The following ZC3H18 variants were observed in gnomAD, a reference collection of about 807,000 sequenced individuals.
ZC3H18 encodes zinc finger CCCH-type containing 18.
Under a neutral mutation model 106.1 loss-of-function variants are expected in ZC3H18, and 8 were observed. The ratio of observed to expected loss-of-function variants is 0.08; its 90% confidence interval spans 0.04 to 0.14. The LOEUF is 0.14. Among genes scored for constraint, ZC3H18 ranks in the 10% least tolerant of loss-of-function variants. The probability of loss-of-function intolerance (pLI) is 1.00; values close to 1 mark genes in which losing one functional copy is unlikely to be tolerated. For synonymous variants in ZC3H18, 635 were observed against 522.1 expected, an observed-to-expected ratio of 1.22 and a Z score of -2.95; for missense variants, 1,318 against 1,278.4, an observed-to-expected ratio of 1.03 and a Z score of -0.47.
chr16:88,586,329 GA>G (rs1915428369), intron 2 of ZC3H18, among the ~76,000 whole-genome samples: 1 of 152,210 alleles, frequency 6.6e-6, no homozygotes, highest in South Asian at 2.1e-4. Context: ...ATAGTTAAGA[GA>G]AATGTCACGA....
intron 5 of ZC3H18, among the ~76,000 whole-genome samples, 189 bp from the exon 6 acceptor site, chr16:88,599,602 C>T (rs1469229898): frequency 6.6e-6 from 1 of 152,190 alleles, no homozygotes; most frequent in South Asian, 2.1e-4. Flanking sequence ...TGTGCAGAGA[C>T]GGGCACAGAC....
At chr16:88,621,920 A>G (rs1422721075) in intron 8 of ZC3H18, among the ~76,000 whole-genome samples, 1 of 152,224 alleles carries the variant, frequency 6.6e-6, no homozygotes, top group Non-Finnish European at 1.5e-5. Flanking sequence ...TTAAGTAAGT[A>G]ATGACACTCA....
rs199728289 is a variant in ZC3H18, at chr16:88,624,626, C to T, written c.1923C>T (p.Ala641=). The T allele has an allele frequency of 2.0e-5, 33 of 1,613,924 alleles. No homozygotes were observed. In the East Asian group the frequency reaches 6.9e-4, roughly 34 times the overall value. ...GAGAGAAGTCAGTGAAGAAGCCGGCCCCGCCTCCAGCCCCACCACAGGCCA... is the reference window on the plus strand; with the variant it reads ...GAGAGAAGTCAGTGAAGAAGCCGGCTCCGCCTCCAGCCCCACCACAGGCCA... ...KAGEKSVKKP[A]PPPAPPQATK... Residue 641 remains alanine, a synonymous_variant, in exon 12 of 18, where the codon GCC becomes GCT. Coordinates refer to ENST00000301011, the MANE Select transcript of ZC3H18 (RefSeq NM_144604.4).
intron 8 of ZC3H18, among the ~76,000 whole-genome samples, chr16:88,615,147 C>T (rs1269254845): frequency 6.7e-6 from 1 of 149,528 alleles, no homozygotes; most frequent in Admixed American, 6.6e-5. Flanking sequence ...ACGGGCTGCC[C>T]CCACCTCCTC....
chr16:88,618,789 C>T (rs1013221729), intron 8 of ZC3H18, among the ~76,000 whole-genome samples: 1 of 152,176 alleles, frequency 6.6e-6, no homozygotes, highest in Admixed American at 6.5e-5. Context: ...GGAGGGTTCT[C>T]CCCTGCGGTT....
At chr16:88,584,251 G>A (rs1196378885) in intron 2 of ZC3H18, among the ~76,000 whole-genome samples, 2 of 151,972 alleles carry the variant, frequency 1.3e-5, no homozygotes, top group Non-Finnish European at 2.9e-5. Flanking sequence ...GCAAAACCCC[G>A]TCTCTACTAA....
chr16:88,615,404 G>A (rs571722970), intron 8 of ZC3H18, among the ~76,000 whole-genome samples: 66 of 152,292 alleles, frequency 4.3e-4, no homozygotes, highest in Admixed American at 3.6e-3. Context: ...GGGCACCACC[G>A]TCTGCCCTGC....
chr16:88,625,393 C>T, intron 13 of ZC3H18, 126 bp downstream of exon 13: 1 of 1,214,098 alleles, frequency 8.2e-7, no homozygotes, highest in Non-Finnish European at 1.2e-6. Context: ...TCTGAGTCAC[C>T]CTGGGGCTGT....
chr16:88,599,475 C>T (rs976834679), intron 5 of ZC3H18, among the ~76,000 whole-genome samples: 25 of 152,190 alleles, frequency 1.6e-4, no homozygotes, highest in African/African-American at 3.6e-4. Flanking sequence ...TCTGAGACTC[C>T]AGCCACTCCA....
chr16:88,600,661 C>T (rs1210326249), intron 6 of ZC3H18, among the ~76,000 whole-genome samples: 2 of 152,334 alleles, frequency 1.3e-5, no homozygotes, highest in South Asian at 2.1e-4. Flanking sequence ...GATCCACCCA[C>T]GCCTGCCTCC....
intron 6 of ZC3H18, among the ~76,000 whole-genome samples, chr16:88,603,255 C>T (rs981830231): frequency 6.6e-6 from 1 of 151,660 alleles, no homozygotes; most frequent in African/African-American, 2.4e-5. Context: ...CGTGAGCCAC[C>T]GCACCTGGCC....
chr16:88,571,770 A>T, intron 1 of ZC3H18: 5 of 795,244 alleles, frequency 6.3e-6, no homozygotes, highest in Non-Finnish European at 7.6e-6. Flanking sequence ...CAAGGAGTTT[A>T]GTGGTCACGC....
At chr16:88,599,743 C>T (rs750824940) in intron 5 of ZC3H18, 48 bp from the exon 6 acceptor site, 12 of 1,569,666 alleles carry the variant, frequency 7.6e-6, no homozygotes, top group Middle Eastern at 3.4e-4. Context: ...CTAACAGCGA[C>T]GCCCGGTATT....
chr16:88,622,257 A>C lies in ZC3H18; in HGVS notation c.1536A>C (p.Ala512=). 6.2e-7 allele frequency: 1 copy of C among 1,614,198 alleles called. No homozygotes were observed. Among genetic ancestry groups the C allele is most frequent in the South Asian group, 1.1e-5 (1 of 91,078 alleles). ...CCACGGGGCCGCAGGTGAAGAGAGC[A>C]GATGAGTGGAAGGACCCTTGGCGCC... ...AATTGPQVKR[A]DEWKDPWRRS... is the part of the protein sequence containing the mutation. The change falls in exon 9 of 18, where the codon GCA becomes GCC. Residue 512 remains alanine, a synonymous_variant. Coordinates refer to ENST00000301011, the MANE Select transcript of ZC3H18 (RefSeq NM_144604.4).
rs754942661 is a variant in ZC3H18, at chr16:88,628,166, G to A, written c.2469+47G>A. On this transcript the variant is annotated intron_variant, in intron 15 of 17. Coordinates refer to ENST00000301011, the MANE Select transcript of ZC3H18 (RefSeq NM_144604.4). ...GTGGCTGCCCCAGCGTCTAGGCCTG[G>A]GTCCATCTGCTTCCTGAGACAGCTT... 3.1e-6 allele frequency: 5 copies of A among 1,593,276 alleles called. No individual in the cohort carries two copies. The South Asian group carries it at 5.6e-5, about 18-fold the overall frequency.
chr16:88,630,362 A>C, intron 16 of ZC3H18, 123 bp from the exon 17 acceptor site: 2 of 664,802 alleles, frequency 3.0e-6, no homozygotes, highest in South Asian at 3.9e-5. Context: ...TCTTTATAAA[A>C]ATGAAGGTGG....
At chr16:88,616,280 G>C (rs1905597402) in intron 8 of ZC3H18, among the ~76,000 whole-genome samples, 1 of 152,054 alleles carries the variant, frequency 6.6e-6, no homozygotes, top group Non-Finnish European at 1.5e-5. Flanking sequence ...CACCAAACTG[G>C]GCCGAGCCGC....
At position 88,623,222 on chromosome 16, in the gene ZC3H18, G is replaced by A. The variant is rs1359904724; in HGVS notation, c.1671G>A (p.Ser557=). 9 of 1,612,386 alleles carry A rather than the reference G, an allele frequency of 5.6e-6. No individual in the cohort carries two copies. Among genetic ancestry groups the A allele is most frequent in the African/African-American group, 2.7e-5 (2 of 74,922 alleles). The part of the protein sequence containing the change: ...SSASASNSSR[S]SSRSSSYSGS... ...CGCTCCGTCCCGCCCGCCCCAGGTC[G>A]TCTTCGCGGTCATCGTCCTACTCTG... Residue 557 remains serine (S), a synonymous_variant, in exon 10 of 18, where the codon TCG becomes TCA. Transcript: ENST00000301011.
At position 88,618,038 on chromosome 16, in the gene ZC3H18, T is replaced by C. The variant is rs80087384; in HGVS notation, c.1476-4159T>C. Among the ~76,000 whole-genome samples, 1,025 of 152,394 alleles carry C rather than the reference T, an allele frequency of 6.7e-3. 9 individuals carry two copies. Among genetic ancestry groups the C allele is most frequent in the African/African-American group, 0.023 (965 of 41,600 alleles). On this transcript the variant is annotated intron_variant, in intron 8 of 17. Transcript: ENST00000301011. Reference sequence around the variant, plus strand: ...ACTAGTGGAGTTAGGGATTTTCATGTGCAGTTGAACGCACAGAAGGCGCAG... The same window carrying C: ...ACTAGTGGAGTTAGGGATTTTCATGCGCAGTTGAACGCACAGAAGGCGCAG...
Sources: gnomAD v4.1 joint callset for allele counts (sites outside exome capture counted in the v4.1 genomes callset) on GRCh38, gnomAD v4.1.1 for gene constraint, MANE v1.5 for transcripts, NCBI Gene and HGNC (gene_info 2026-07-23, HGNC 2026-07-21) for gene names.